Variants in GALK2 observed in about 807,000 individuals in gnomAD.
GALK2 encodes galactokinase 2.
GALK2 carries 36 observed loss-of-function variants against 52.4 expected under a neutral mutation model. The observed-to-expected ratio is 0.69, with a 90% CI of 0.53 to 0.91. GALK2 has a LOEUF of 0.91. Ranked by LOEUF, GALK2 falls within the 40% of genes least tolerant of loss-of-function variation. GALK2 has a pLI of 0.00. For synonymous variants in GALK2, 176 were observed against 199.1 expected, an observed-to-expected ratio of 0.88 and a Z score of 0.98; for missense variants, 579 against 559.1, an observed-to-expected ratio of 1.04 and a Z score of -0.36.
chr15:49,227,297 C>G (rs1422892625), intron 3 of GALK2, among the ~76,000 whole-genome samples: 1 of 152,132 alleles, frequency 6.6e-6, no homozygotes, highest in South Asian at 2.1e-4. Flanking sequence ...CTTTATATAT[C>G]TGGGTGCTTT....
Position 49,331,450 on chromosome 15 carries a change from A to G in GALK2, c.*3291A>G, listed in dbSNP as rs373834806. ...CATCTAACACAGCTGTTGGTACCCA[A>G]TATGATTTTGTTGAATTATTAATGA... On this transcript the variant is annotated 3_prime_UTR_variant, in exon 10 of 10. Transcript: ENST00000560031. 3.1e-4 allele frequency: 79 copies of G among 251,666 alleles called. 2 individuals carry two copies. The East Asian group carries it at 4.5e-3, about 14-fold the overall frequency. 15.6% of individuals were successfully genotyped at this position (251,666 alleles called of 1,614,324 possible). A position where few individuals can be genotyped will look rare whatever the true frequency, so the allele number is the denominator to read the frequency against.
rs143352821 is a variant in GALK2, at chr15:49,301,518, T to C, written c.967+8981T>C. Among the ~76,000 whole-genome samples, 390 of 152,014 alleles carry C rather than the reference T, an allele frequency of 2.6e-3. 2 individuals are homozygous for C. The highest frequency in any genetic ancestry group is 0.024 in the Middle Eastern group (7 of 294). ...AAGCTGTGGTCAGGGTAAGGAGAGA[T>C]AGGCAGATGTATCAAGCGTATAACT... On this transcript the variant is annotated intron_variant, in intron 8 of 9. Coordinates refer to ENST00000560031, the MANE Select transcript of GALK2 (RefSeq NM_002044.4).
intron 8 of GALK2, chr15:49,318,963 T>C (rs1021289362): frequency 6.6e-5 from 30 of 452,650 alleles, no homozygotes; most frequent in Non-Finnish European, 1.3e-4. Context: ...TCTTTTTTTT[T>C]TTTTTGAGAC....
At position 49,322,792 on chromosome 15, in the gene GALK2, T is replaced by C. The variant is rs148780050; in HGVS notation, c.1169+2987T>C. Among the ~76,000 whole-genome samples the C allele has an allele frequency of 1.7e-4, 26 of 151,678 alleles. No homozygotes were observed. The South Asian group carries it at 4.6e-3, about 27-fold the overall frequency. On this transcript the variant is annotated intron_variant, in intron 9 of 9. Coordinates refer to ENST00000560031, the MANE Select transcript of GALK2 (RefSeq NM_002044.4). ...CTAACACGGTGAAACCCCATCTCTATTAAAAATACAAAAAATTAGCCGAGC... is the reference window on the plus strand; with the variant it reads ...CTAACACGGTGAAACCCCATCTCTACTAAAAATACAAAAAATTAGCCGAGC...
At chr15:49,268,883 C>T (rs915617151) in intron 5 of GALK2, among the ~76,000 whole-genome samples, 5 of 152,140 alleles carry the variant, frequency 3.3e-5, no homozygotes, top group African/African-American at 1.2e-4. Context: ...AGCCCTTCTA[C>T]CAATAGTGTG....
intron 8 of GALK2, among the ~76,000 whole-genome samples, chr15:49,292,795 CT>C (rs745761903): frequency 2.0e-5 from 3 of 151,894 alleles, no homozygotes; most frequent in South Asian, 4.2e-4. Context: ...TCTTTTTTAT[CT>C]TTTTTTTCCC....
At chr15:49,256,624 G>A (rs577785460) in intron 5 of GALK2, among the ~76,000 whole-genome samples, 30 of 152,240 alleles carry the variant, frequency 2.0e-4, no homozygotes, top group African/African-American at 6.5e-4. Flanking sequence ...AGTACCATCC[G>A]TGTCAATTTG....
intron 1 of GALK2, among the ~76,000 whole-genome samples, chr15:49,172,331 C>G (rs1233949860): frequency 1.3e-5 from 2 of 152,224 alleles, no homozygotes; most frequent in East Asian, 1.9e-4. Flanking sequence ...TCTGTGTTAT[C>G]CACAGAAGAG....
chr15:49,189,667 A>G (rs1252429085), intron 1 of GALK2, among the ~76,000 whole-genome samples: 2 of 152,150 alleles, frequency 1.3e-5, no homozygotes, highest in South Asian at 2.1e-4. Flanking sequence ...ACTGCAATAT[A>G]GAGACAATAC....
At chr15:49,228,687 A>ATATATATATATATT (rs1555409061) in intron 3 of GALK2, among the ~76,000 whole-genome samples, 1 of 14,276 alleles carries the variant, frequency 7.0e-5, no homozygotes, top group Non-Finnish European at 1.2e-4. Flanking sequence ...ATATATATAT[A>ATATATATATATATT]TTTTTTTTTT....
intron 3 of GALK2, among the ~76,000 whole-genome samples, chr15:49,338,315 A>G (rs1194176490): frequency 6.6e-6 from 1 of 152,190 alleles, no homozygotes; most frequent in African/African-American, 2.4e-5. Flanking sequence ...CTTGGAGGGC[A>G]GGCCTGGTGG....
chr15:49,172,027 C>T (rs1002594963), intron 1 of GALK2, among the ~76,000 whole-genome samples: 1 of 152,194 alleles, frequency 6.6e-6, no homozygotes, highest in Non-Finnish European at 1.5e-5. Flanking sequence ...CCCGTCTCAG[C>T]CTCCCAAATT....
At chr15:49,250,021 G>A (rs530466364) in intron 5 of GALK2, among the ~76,000 whole-genome samples, 29 of 152,290 alleles carry the variant, frequency 1.9e-4, no homozygotes, top group Admixed American at 1.4e-3. Context: ...AATGGAAACC[G>A]GACATAGCAG....
In GALK2 at chr15:49,328,184, A is replaced by G; in HGVS notation, c.*25A>G. ...AAAAAATGTAAAAAGTCTGAGAGAAACTACTTAGGGCACTTAGGAATTGGC... is the reference window on the plus strand; with the variant it reads ...AAAAAATGTAAAAAGTCTGAGAGAAGCTACTTAGGGCACTTAGGAATTGGC... On this transcript the variant is annotated 3_prime_UTR_variant, in exon 10 of 10. Transcript: ENST00000560031. The G allele has an allele frequency of 1.3e-6, 2 of 1,599,706 alleles. No individual in the cohort carries two copies. The highest frequency in any genetic ancestry group is 1.7e-6 in the Non-Finnish European group (2 of 1,172,524).
In GALK2 at chr15:49,362,240, C is replaced by T. The variant is rs1422841499; in HGVS notation, c.427-5251C>T. Among the ~76,000 whole-genome samples, 6 of 152,024 alleles carry T rather than the reference C, an allele frequency of 3.9e-5. No homozygotes were observed. In the East Asian group the frequency reaches 1.2e-3, roughly 29 times the overall value. ...TGGATCATGGGAGTGGATTTCCCTC[C>T]TGCTGTTTTCATGATAGTGAAAGTT... is the stretch of plus-strand genomic sequence containing the variant. On this transcript the variant is annotated intron_variant, in intron 3 of 3. Transcript: ENST00000558399.
intron 5 of GALK2, among the ~76,000 whole-genome samples, chr15:49,256,360 C>T (rs1371950541): frequency 2.0e-5 from 3 of 152,038 alleles, no homozygotes; most frequent in African/African-American, 7.2e-5. Flanking sequence ...CTTAAGAGAG[C>T]CCTGACATGG....
intron 8 of GALK2, among the ~76,000 whole-genome samples, chr15:49,313,550 T>C (rs1221272365): frequency 6.6e-6 from 1 of 152,224 alleles, no homozygotes. Context: ...TTGGTGCACC[T>C]TCAGCATTTC....
At chr15:49,283,420 C>G (rs2032971688) in intron 6 of GALK2, 146 bp from the exon 7 acceptor site, 1 of 662,820 alleles carries the variant, frequency 1.5e-6, no homozygotes, top group Non-Finnish European at 2.6e-6. Context: ...ATTTCCAGTG[C>G]CTAGTACAGC....
At chr15:49,353,475 AT>A (rs1244150004) in intron 3 of GALK2, 6 of 152,182 alleles carry the variant, frequency 3.9e-5, no homozygotes, top group African/African-American at 1.4e-4. Flanking sequence ...TTAGGCCTGT[AT>A]GTTTTGAACA....
Sources: gnomAD v4.1 joint callset for allele counts (sites outside exome capture counted in the v4.1 genomes callset) on GRCh38, gnomAD v4.1.1 for gene constraint, MANE v1.5 for transcripts, NCBI Gene and HGNC (gene_info 2026-07-23, HGNC 2026-07-21) for gene names.